ENPP1: variants seen among roughly 807,000 people sequenced by gnomAD.
ENPP1 encodes ectonucleotide pyrophosphatase/phosphodiesterase family member 1.
A neutral mutation model predicts 122.8 loss-of-function variants in ENPP1; 73 were observed. That is an observed-to-expected ratio of 0.59 (90% CI 0.49 to 0.72). ENPP1 has a LOEUF of 0.72. ENPP1 is among the 30% of genes least tolerant of loss of function. ENPP1 has a pLI of 0.00. For synonymous variants in ENPP1, 367 were observed against 391.6 expected, an observed-to-expected ratio of 0.94 and a Z score of 0.74; for missense variants, 978 against 1,128.1, an observed-to-expected ratio of 0.87 and a Z score of 1.91.
intron 1 of ENPP1, among the ~76,000 whole-genome samples, chr6:131,843,929 C>A (rs1030060235): frequency 1.3e-5 from 2 of 152,012 alleles, no homozygotes; most frequent in African/African-American, 4.8e-5. Context: ...TCAGCTGTTT[C>A]TAGCTTCCTG....
intron 16 of ENPP1, among the ~76,000 whole-genome samples, chr6:131,874,567 G>C (rs918070995): frequency 1.3e-5 from 2 of 152,008 alleles, no homozygotes; most frequent in Non-Finnish European, 2.9e-5. Context: ...GTGGAGAAAA[G>C]GGAACACTTA....
rs149699273 is a variant in ENPP1 at position 131,876,117 on chromosome 6, G to A, written c.1723+254G>A. Among the ~76,000 whole-genome samples the A allele has an allele frequency of 1.9e-4, 29 of 152,258 alleles. No individual in the cohort carries two copies. The East Asian group carries it at 5.6e-3, about 29-fold the overall frequency. On this transcript the variant is annotated intron_variant, in intron 17 of 24. Coordinates refer to ENST00000647893, the MANE Select transcript of ENPP1 (RefSeq NM_006208.3). ...GCAGGGTGGTCTGCACACCCCCACT[G>A]CCCAGCACTTTGCTAGGCCCTCGGC...
intron 23 of ENPP1, among the ~76,000 whole-genome samples, chr6:131,885,329 G>T (rs894847042): frequency 2.0e-5 from 3 of 152,146 alleles, no homozygotes; most frequent in African/African-American, 7.2e-5. Flanking sequence ...TTTAAATGCT[G>T]AACTCATTTA....
intron 1 of ENPP1, among the ~76,000 whole-genome samples, chr6:131,844,782 A>G (rs1445859555): frequency 2.0e-5 from 3 of 152,184 alleles, no homozygotes; most frequent in African/African-American, 7.2e-5. Context: ...TGAGAAAAAG[A>G]ATGAAGATAT....
At chr6:131,845,925 A>G in intron 1 of ENPP1, among the ~76,000 whole-genome samples, 1 of 152,182 alleles carries the variant, frequency 6.6e-6, no homozygotes, top group Non-Finnish European at 1.5e-5. Flanking sequence ...ACACACACAC[A>G]CAAAGAAAAA....
intron 24 of ENPP1, among the ~76,000 whole-genome samples, chr6:131,887,820 C>T (rs1199780383): frequency 1.4e-5 from 2 of 148,024 alleles, no homozygotes; most frequent in African/African-American, 2.5e-5. Context: ...CCGCCTTGTC[C>T]TTCCAAAATG....
intron 2 of ENPP1, 148 bp downstream of exon 2, chr6:131,847,996 CT>C: frequency 9.6e-6 from 6 of 622,568 alleles, no homozygotes; most frequent in South Asian, 2.3e-5. Flanking sequence ...TGGCTTGAGC[CT>C]TTTTCCTGAA....
Position 131,890,338 on chromosome 6 carries a change from T to C in ENPP1, c.2608-3T>C. On this transcript the variant is annotated splice_polypyrimidine_tract_variant and splice_region_variant and intron_variant, in intron 24 of 24. Coordinates refer to ENST00000647893, the MANE Select transcript of ENPP1 (RefSeq NM_006208.3). ...TTTTCTTTTATATTTCCTATTCTCC[T>C]AGCATGGGAAGCATGACTCCTCATG... 6.2e-7 allele frequency: 1 copy of C among 1,612,008 alleles called. No individual in the cohort carries two copies. Among genetic ancestry groups the C allele is most frequent in the Non-Finnish European group, 8.5e-7 (1 of 1,178,024 alleles).
chr6:131,856,983 G>A (rs1327560898), intron 6 of ENPP1, among the ~76,000 whole-genome samples: 5 of 151,970 alleles, frequency 3.3e-5, no homozygotes, highest in African/African-American at 1.2e-4. Flanking sequence ...GCTCTTTTTT[G>A]GTTCCATATG....
At chr6:131,818,677 A>G (rs568947326) in intron 1 of ENPP1, among the ~76,000 whole-genome samples, 3 of 152,084 alleles carry the variant, frequency 2.0e-5, no homozygotes, top group Non-Finnish European at 4.4e-5. Flanking sequence ...TTGATGAAGC[A>G]GATTTAATAA....
In ENPP1 at chr6:131,852,110, T is replaced by C. The variant is rs1781889730; in HGVS notation, c.557-65T>C. 9.4e-6 allele frequency: 10 copies of C among 1,061,340 alleles called. No homozygotes were observed. In the South Asian group the frequency reaches 1.3e-4, roughly 13 times the overall value. 65.7% of individuals were successfully genotyped at this position (1,061,340 alleles called of 1,614,324 possible). On this transcript the variant is annotated intron_variant, in intron 4 of 24. Transcript: ENST00000647893. ...TTTTTGGAATCTGTCTTAATGTGTC[T>C]CACAAGCATCACAATTATTATTACT...
intron 1 of ENPP1, among the ~76,000 whole-genome samples, chr6:131,812,639 A>T (rs1011787619): frequency 6.6e-6 from 1 of 152,234 alleles, no homozygotes; most frequent in Non-Finnish European, 1.5e-5. Context: ...AAGATGAGTG[A>T]CTGTGGCTCG....
At chr6:131,837,830 A>G (rs1160422105) in intron 1 of ENPP1, among the ~76,000 whole-genome samples, 1 of 152,154 alleles carries the variant, frequency 6.6e-6, no homozygotes, top group East Asian at 1.9e-4. Context: ...GCAGGCATTA[A>G]TATTTAATCT....
intron 18 of ENPP1, 71 bp from the exon 19 acceptor site, chr6:131,878,471 T>C (rs1782263498): frequency 1.1e-6 from 1 of 876,644 alleles, no homozygotes; most frequent in East Asian, 2.5e-5. Flanking sequence ...AATCAATCTA[T>C]AGCGGTTCTA....
chr6:131,843,986 T>C (rs781740492), intron 1 of ENPP1, among the ~76,000 whole-genome samples: 13 of 152,132 alleles, frequency 8.5e-5, no homozygotes, highest in Non-Finnish European at 1.8e-4. Flanking sequence ...TGTTTTTGTG[T>C]GTGTGTGTAT....
chr6:131,856,346 T>G (rs1585819510), intron 6 of ENPP1, among the ~76,000 whole-genome samples: 1 of 151,040 alleles, frequency 6.6e-6, no homozygotes, highest in Admixed American at 6.6e-5. Flanking sequence ...GTTTGTTTTT[T>G]TCTTGTAAAT....
chr6:131,860,519 T>C lies in ENPP1; in HGVS notation c.915+13T>C. 2 of 1,575,262 alleles carry C rather than the reference T, an allele frequency of 1.3e-6. No homozygotes were observed. Among genetic ancestry groups the C allele is most frequent in the Non-Finnish European group, 1.7e-6 (2 of 1,146,896 alleles). ...CAAAGGAGAACCAGTGAGTTCTTTGTTTTTCTACTAAAATAGTTAATTATT... is the reference window on the plus strand; with the variant it reads ...CAAAGGAGAACCAGTGAGTTCTTTGCTTTTCTACTAAAATAGTTAATTATT... On this transcript the variant is annotated intron_variant, in intron 8 of 24. Transcript: ENST00000647893.
At chr6:131,811,686 C>A (rs1468146461) in intron 1 of ENPP1, among the ~76,000 whole-genome samples, 2 of 152,100 alleles carry the variant, frequency 1.3e-5, no homozygotes, top group Non-Finnish European at 2.9e-5. Context: ...CTGTCAGGAA[C>A]AAAATGCTTT....
intron 15 of ENPP1, among the ~76,000 whole-genome samples, 167 bp from the exon 16 acceptor site, chr6:131,874,101 A>T (rs1286418493): frequency 6.6e-6 from 1 of 152,148 alleles, no homozygotes; most frequent in Non-Finnish European, 1.5e-5. Flanking sequence ...GAAATAAAAG[A>T]TAGAGGTGAC....
Sources: allele counts gnomAD v4.1 joint callset (sites outside exome capture counted in the v4.1 genomes callset), GRCh38; gene constraint gnomAD v4.1.1; transcripts MANE v1.5; gene names NCBI Gene and HGNC (gene_info 2026-07-23, HGNC 2026-07-21).